The following CAMK1D variants were observed in gnomAD, a reference collection of about 807,000 sequenced individuals.
The protein encoded by CAMK1D is calcium/calmodulin dependent protein kinase ID, also known as calcium/calmodulin-dependent protein kinase type 1D.
Under a neutral mutation model 47.7 loss-of-function variants are expected in CAMK1D, and 9 were observed. That is an observed-to-expected ratio of 0.19 (90% CI 0.11 to 0.33). CAMK1D has a LOEUF of 0.33. Among genes scored for constraint, CAMK1D ranks in the 10% least tolerant of loss-of-function variants. The pLI is 1.00. For missense variants in CAMK1D, 291 were observed against 488.7 expected (o/e 0.60, Z 3.81); for synonymous variants, 184 against 184.9 (o/e 0.99, Z 0.04).
intron 1 of CAMK1D, among the ~76,000 whole-genome samples, chr10:12,393,318 A>G (rs143222043): frequency 6.6e-6 from 1 of 152,180 alleles, no homozygotes; most frequent in Non-Finnish European, 1.5e-5. Context: ...GGCGTGAGAC[A>G]CTGCGCCTGG....
chr10:12,785,963 C>T (rs1047579465), intron 5 of CAMK1D, among the ~76,000 whole-genome samples: 10 of 152,116 alleles, frequency 6.6e-5, no homozygotes, highest in Non-Finnish European at 8.8e-5. Flanking sequence ...CGGTTTGGCC[C>T]GGTTTGGCCA....
intron 1 of CAMK1D, among the ~76,000 whole-genome samples, chr10:12,496,090 A>G (rs976407544): frequency 1.1e-4 from 16 of 151,876 alleles, no homozygotes; most frequent in Non-Finnish European, 1.9e-4. Context: ...CGGCCTCCCA[A>G]AGTGCTGGGA....
At chr10:12,665,607 T>C (rs1840404274) in intron 2 of CAMK1D, among the ~76,000 whole-genome samples, 1 of 152,254 alleles carries the variant, frequency 6.6e-6, no homozygotes, top group Non-Finnish European at 1.5e-5. Context: ...GAGAGGCTTA[T>C]GGTAAGAGCT....
chr10:12,490,052 C>T (rs1834335351), intron 1 of CAMK1D, among the ~76,000 whole-genome samples: 2 of 152,264 alleles, frequency 1.3e-5, no homozygotes, highest in South Asian at 4.1e-4. Flanking sequence ...TTGGCTGGAG[C>T]AGGGGAGGGC....
chr10:12,783,784 G>A (rs1384414542), intron 5 of CAMK1D, among the ~76,000 whole-genome samples: 1 of 152,124 alleles, frequency 6.6e-6, no homozygotes, highest in Non-Finnish European at 1.5e-5. Context: ...AGGAATACTT[G>A]CTCTAAATCA....
intron 3 of CAMK1D, among the ~76,000 whole-genome samples, chr10:12,730,208 G>C (rs1834828784): frequency 6.6e-6 from 1 of 152,110 alleles, no homozygotes; most frequent in South Asian, 2.1e-4. Context: ...ATAGGGAGAT[G>C]GGGTAGGATT....
At chr10:12,521,319 G>T (rs547887096) in intron 1 of CAMK1D, among the ~76,000 whole-genome samples, 1 of 152,064 alleles carries the variant, frequency 6.6e-6, no homozygotes, top group African/African-American at 2.4e-5. Context: ...TTTTATTTCA[G>T]TTAATTCAAG....
At chr10:12,620,233 A>G (rs1042917103) in intron 2 of CAMK1D, among the ~76,000 whole-genome samples, 19 of 149,800 alleles carry the variant, frequency 1.3e-4, no homozygotes, top group African/African-American at 4.7e-4. Context: ...GCTGCTATAA[A>G]CGTCCATGTA....
In CAMK1D at chr10:12,557,551, C is replaced by CA. The variant is rs5783273; in HGVS notation, c.224+4214dup. ...TGGGCGACAGAGCGAGACTCCATCTCAAAAAAAAAAAAAAAAAAAGAAAAA... is the reference window on the plus strand; with the variant it reads ...TGGGCGACAGAGCGAGACTCCATCTCAAAAAAAAAAAAAAAAAAAAGAAAAA... On this transcript the variant is annotated intron_variant, in intron 2 of 10. Transcript: ENST00000619168. Among the ~76,000 whole-genome samples the CA allele has an allele frequency of 4.5e-3, 377 of 84,304 alleles. 4 individuals carry two copies. The highest frequency in any genetic ancestry group is 0.012 in the African/African-American group (294 of 24,212). 55.3% of individuals were successfully genotyped at this position (84,304 alleles called of 152,430 possible).
intron 6 of CAMK1D, among the ~76,000 whole-genome samples, chr10:12,808,417 A>G (rs552953572): frequency 1.2e-3 from 183 of 152,298 alleles, no homozygotes; most frequent in African/African-American, 4.2e-3. Context: ...AGTGCTTGGT[A>G]TACCTCCTCC....
intron 1 of CAMK1D, among the ~76,000 whole-genome samples, chr10:12,370,768 C>T (rs373626780): frequency 1.3e-5 from 2 of 152,196 alleles, no homozygotes. Context: ...GCCACCACGC[C>T]CGGCTAATTT....
chr10:12,487,756 G>T (rs1170114702), intron 1 of CAMK1D, among the ~76,000 whole-genome samples: 1 of 152,210 alleles, frequency 6.6e-6, no homozygotes, highest in Non-Finnish European at 1.5e-5. Flanking sequence ...TTTTCTGTCT[G>T]TTCTAACAGC....
At chr10:12,733,799 G>A (rs987464909) in intron 3 of CAMK1D, among the ~76,000 whole-genome samples, 1 of 152,004 alleles carries the variant, frequency 6.6e-6, no homozygotes, top group Non-Finnish European at 1.5e-5. Context: ...GCTTTTTTTG[G>A]CCAAAGAATT....
At chr10:12,538,349 G>A (rs1031472691) in intron 1 of CAMK1D, among the ~76,000 whole-genome samples, 3 of 152,174 alleles carry the variant, frequency 2.0e-5, no homozygotes, top group Admixed American at 6.5e-5. Context: ...GAGACATGGT[G>A]ATTTGTTCCT....
chr10:12,690,501 G>C (rs937784675), intron 3 of CAMK1D, among the ~76,000 whole-genome samples: 1 of 152,128 alleles, frequency 6.6e-6, no homozygotes, highest in Admixed American at 6.5e-5. Flanking sequence ...TATGAGGGGG[G>C]TCAAGTGCCT....
chr10:12,690,144 T>G (rs545757024), intron 3 of CAMK1D, among the ~76,000 whole-genome samples: 22 of 152,340 alleles, frequency 1.4e-4, no homozygotes, highest in African/African-American at 5.0e-4. Flanking sequence ...GGCCTTGTGT[T>G]GAACGCCTGT....
intron 1 of CAMK1D, among the ~76,000 whole-genome samples, chr10:12,455,021 C>T (rs1255881027): frequency 6.6e-6 from 1 of 152,160 alleles, no homozygotes; most frequent in African/African-American, 2.4e-5. Context: ...ATCAGGAGTC[C>T]CTGCTCTGTG....
chr10:12,721,143 G>A (rs879589706), intron 3 of CAMK1D, among the ~76,000 whole-genome samples: 4 of 152,216 alleles, frequency 2.6e-5, no homozygotes, highest in Non-Finnish European at 5.9e-5. Flanking sequence ...CGGTCAAGGG[G>A]CTAATGTCTA....
chr10:12,761,130 C>T (rs367545602), intron 4 of CAMK1D, 44 bp downstream of exon 4: 14 of 1,597,924 alleles, frequency 8.8e-6, no homozygotes, highest in Middle Eastern at 1.9e-4. Context: ...CTCTGCAGCC[C>T]GCAATGCACG....
Sources: allele counts gnomAD v4.1 joint callset (sites outside exome capture counted in the v4.1 genomes callset), GRCh38; gene constraint gnomAD v4.1.1; transcripts MANE v1.5; gene names NCBI Gene and HGNC (gene_info 2026-07-23, HGNC 2026-07-21).